The following TMCO4 variants were observed in gnomAD, a reference collection of about 807,000 sequenced individuals.
TMCO4 encodes the protein transmembrane and coiled-coil domain-containing protein 4.
TMCO4 carries 58 observed loss-of-function variants against 64.7 expected under a neutral mutation model. The ratio of observed to expected loss-of-function variants is 0.90; its 90% CI spans 0.73 to 1.12. TMCO4 has a LOEUF of 1.12. TMCO4 is among the 50% of genes most tolerant of loss of function. The pLI is 0.00. For missense variants in TMCO4, 780 were observed against 825.9 expected, an observed-to-expected ratio of 0.94 and a Z score of 0.68; for synonymous variants, 325 against 346.1, an observed-to-expected ratio of 0.94 and a Z score of 0.68.
chr1:19,780,437 G>A, intron 4 of TMCO4, 143 bp downstream of exon 4: 1 of 1,001,844 alleles, frequency 1.0e-6, no homozygotes, highest in South Asian at 1.9e-5. Context: ...ACGGCCTGGA[G>A]GTTAGAGACC....
At chr1:19,757,089 G>A (rs113818148) in intron 6 of TMCO4, among the ~76,000 whole-genome samples, 8,510 of 149,288 alleles carry the variant, frequency 0.057, 336 homozygotes, top group Non-Finnish European at 0.079. Flanking sequence ...CCAGGAGTTC[G>A]AGACCAGCCT....
intron 6 of TMCO4, among the ~76,000 whole-genome samples, chr1:19,759,953 G>T (rs1185253279): frequency 6.6e-6 from 1 of 152,082 alleles, no homozygotes; most frequent in African/African-American, 2.4e-5. Flanking sequence ...TGCCTGCCAG[G>T]GTTCTGTGCT....
chr1:19,792,998 T>C (rs2044127438), intron 2 of TMCO4, among the ~76,000 whole-genome samples: 2 of 152,112 alleles, frequency 1.3e-5, no homozygotes, highest in Admixed American at 1.3e-4. Flanking sequence ...CTTGAACACC[T>C]GGCTCAAGTG....
chr1:19,706,555 C>T (rs1040030749), intron 13 of TMCO4, among the ~76,000 whole-genome samples: 6 of 152,214 alleles, frequency 3.9e-5, no homozygotes, highest in African/African-American at 1.2e-4. Flanking sequence ...GAGTCATAGA[C>T]ATGTAGAGCG....
intron 14 of TMCO4, among the ~76,000 whole-genome samples, chr1:19,699,016 G>A (rs1285584295): frequency 6.6e-6 from 1 of 152,166 alleles, no homozygotes; most frequent in Non-Finnish European, 1.5e-5. Flanking sequence ...CTAACACGGT[G>A]AAACCCCATC....
chr1:19,792,121 C>A (rs1304949387), intron 2 of TMCO4, among the ~76,000 whole-genome samples: 4 of 152,194 alleles, frequency 2.6e-5, no homozygotes, highest in Non-Finnish European at 5.9e-5. Flanking sequence ...CATTAAACAT[C>A]TTTTTCTTTA....
intron 3 of TMCO4, among the ~76,000 whole-genome samples, chr1:19,785,227 G>C (rs907391153): frequency 6.6e-6 from 1 of 152,160 alleles, no homozygotes; most frequent in African/African-American, 2.4e-5. Flanking sequence ...TTAGGTTGGT[G>C]CAAAAGTAAC....
Position 19,740,908 on chromosome 1 carries a change from T to C in TMCO4, c.911A>G (p.His304Arg), listed in dbSNP as rs201546560. ...TFSAPWAALA[H>R]SREQYCLAWE... ...GGCCAGGCAGTACTGCTCACGGCTG[T>C]GGGCCAGGGCAGCCCACGGGGCACT... The change falls in exon 11 of 16, where the codon CAC (histidine) becomes CGC (arginine). Residue 304 changes from histidine to arginine, a missense_variant. Transcript: ENST00000294543. The C allele has an allele frequency of 6.2e-6, 10 of 1,613,548 alleles. No individual in the cohort carries two copies. The highest frequency in any genetic ancestry group is 6.8e-6 in the Non-Finnish European group (8 of 1,179,852).
At chr1:19,744,894 C>G (rs1230365861) in intron 10 of TMCO4, among the ~76,000 whole-genome samples, 1 of 152,194 alleles carries the variant, frequency 6.6e-6, no homozygotes, top group African/African-American at 2.4e-5. Context: ...GAGGCCATGG[C>G]TGTGCTGCTC....
rs564432514 is a variant in TMCO4 at position 19,789,699 on chromosome 1, C to A, written c.-100-2582G>T. ...AAGCCCTGGACCCATGTGGCCCAGCCAAGCCAGTGGGGATGAGTTCACAGT... is the reference window on the plus strand; with the variant it reads ...AAGCCCTGGACCCATGTGGCCCAGCAAAGCCAGTGGGGATGAGTTCACAGT... On this transcript the variant is annotated intron_variant, in intron 2 of 15. Transcript: ENST00000294543. 1.2e-4 allele frequency among the ~76,000 whole-genome samples: 19 copies of A among 152,258 alleles called. No individual in the cohort carries two copies. The East Asian group carries it at 3.7e-3, about 29-fold the overall frequency.
intron 7 of TMCO4, among the ~76,000 whole-genome samples, chr1:19,752,776 C>A (rs776953778): frequency 1.3e-5 from 2 of 151,838 alleles, no homozygotes; most frequent in African/African-American, 2.4e-5. Flanking sequence ...GCCAGCCATG[C>A]GACCTTGGCT....
At position 19,745,663 on chromosome 1, in the gene TMCO4, G is replaced by C. The variant is rs2041740867; in HGVS notation, c.758-12C>G. On this transcript the variant is annotated splice_polypyrimidine_tract_variant and intron_variant, in intron 9 of 15. Coordinates refer to ENST00000294543, the MANE Select transcript of TMCO4 (RefSeq NM_181719.7). ...CTTCATCTTGTATCCTAAAGACCCA[G>C]ATCCGAGAAAGAGAATGGAGGTGAC... The C allele has an allele frequency of 1.9e-6, 3 of 1,598,842 alleles. No individual in the cohort carries two copies. Among genetic ancestry groups the C allele is most frequent in the Admixed American group, 1.7e-5 (1 of 59,038 alleles).
chr1:19,685,622 G>A (rs1421534803), intron 15 of TMCO4, among the ~76,000 whole-genome samples: 1 of 151,692 alleles, frequency 6.6e-6, no homozygotes, highest in African/African-American at 2.4e-5. Context: ...CACTGTAGAT[G>A]AAATTGAGCC....
chr1:19,700,718 G>C, intron 14 of TMCO4, 50 bp downstream of exon 14: 1 of 1,460,422 alleles, frequency 6.8e-7, no homozygotes, highest in Non-Finnish European at 9.6e-7. Flanking sequence ...GGCATACTAA[G>C]TGCTCCGTAA....
intron 2 of TMCO4, among the ~76,000 whole-genome samples, chr1:19,795,808 T>C (rs1331418570): frequency 2.0e-5 from 3 of 152,246 alleles, no homozygotes; most frequent in Non-Finnish European, 4.4e-5. Flanking sequence ...TCCAACACAA[T>C]TTGAAAACCA....
intron 13 of TMCO4, among the ~76,000 whole-genome samples, chr1:19,716,082 C>A (rs111495164): frequency 6.6e-6 from 1 of 151,978 alleles, no homozygotes; most frequent in Non-Finnish European, 1.5e-5. Flanking sequence ...TATGGGAGGC[C>A]GAGGCGGGAG....
chr1:19,694,305 A>G lies in TMCO4; in HGVS notation c.1500+129T>C, dbSNP rs566862153. On this transcript the variant is annotated intron_variant, in intron 15 of 15. Coordinates refer to ENST00000294543, the MANE Select transcript of TMCO4 (RefSeq NM_181719.7). ...GCATGAGCCACTGCACCTGGCTCCA[A>G]ATAAATTCTTATGATCTTTCTCCTG... 2.5e-4 allele frequency: 200 copies of G among 787,822 alleles called. 1 individual carries two copies. The East Asian group carries it at 5.3e-3, about 21-fold the overall frequency. 48.8% of individuals were successfully genotyped at this position (787,822 alleles called of 1,614,324 possible).
intron 13 of TMCO4, among the ~76,000 whole-genome samples, chr1:19,703,946 C>A (rs75479693): frequency 0.015 from 2,260 of 152,320 alleles, 41 homozygotes; most frequent in African/African-American, 0.047. Flanking sequence ...TCAACCAGTT[C>A]TGCTACTCTT....
intron 13 of TMCO4, among the ~76,000 whole-genome samples, chr1:19,715,966 T>G (rs1570733763): frequency 6.6e-6 from 1 of 152,164 alleles, no homozygotes; most frequent in Non-Finnish European, 1.5e-5. Context: ...AGTATGGGAC[T>G]CTGGGCTTAG....
Sources: gnomAD v4.1 joint callset for allele counts (sites outside exome capture counted in the v4.1 genomes callset) on GRCh38, gnomAD v4.1.1 for gene constraint, MANE v1.5 for transcripts, NCBI Gene and HGNC (gene_info 2026-07-23, HGNC 2026-07-21) for gene names.